Variants in PRR5 observed in about 807,000 individuals in gnomAD.
PRR5 encodes the protein proline-rich protein 5.
PRR5 carries 25 observed loss-of-function variants against 30.6 expected under a neutral mutation model. The ratio of observed to expected loss-of-function variants is 0.82; its 90% confidence interval spans 0.60 to 1.14. PRR5 has a LOEUF of 1.14. Ranked by LOEUF, PRR5 falls within the 50% of genes most tolerant of loss-of-function variation. The pLI is 0.00. For missense variants in PRR5, 600 were observed against 547.1 expected (o/e 1.10, Z -0.96); for synonymous variants, 286 against 247.1 (o/e 1.16, Z -1.48).
At chr22:44,727,288 A>G (rs919775472) in intron 4 of PRR5, among the ~76,000 whole-genome samples, 2 of 151,948 alleles carry the variant, frequency 1.3e-5, no homozygotes, top group Non-Finnish European at 2.9e-5. Flanking sequence ...AGCCTCGGGC[A>G]GCAGCAGCAG....
chr22:44,684,551 G>T (rs982898031), intron 1 of PRR5, among the ~76,000 whole-genome samples: 2 of 152,180 alleles, frequency 1.3e-5, no homozygotes, highest in African/African-American at 4.8e-5. Context: ...AAAAGAAAAT[G>T]TCCTGGGGAT....
upstream of PRR5, among the ~76,000 whole-genome samples, chr22:44,672,872 C>G (rs1341422505): frequency 6.6e-6 from 1 of 152,204 alleles, no homozygotes; most frequent in African/African-American, 2.4e-5. Flanking sequence ...CTGCCCAGAG[C>G]CATAGCAAGG....
intron 1 of PRR5, among the ~76,000 whole-genome samples, chr22:44,711,687 G>A (rs576729945): frequency 2.6e-5 from 4 of 152,314 alleles, no homozygotes; most frequent in Admixed American, 6.5e-5. Context: ...TGGCTCCACC[G>A]TCCGCTGTAA....
intron 1 of PRR5, among the ~76,000 whole-genome samples, chr22:44,708,321 A>G (rs1927562291): frequency 6.6e-6 from 1 of 152,174 alleles, no homozygotes; most frequent in Non-Finnish European, 1.5e-5. Context: ...TGGGGCCAGG[A>G]CATAGTGACA....
chr22:44,717,510 C>T lies in PRR5; in HGVS notation c.215+2839C>T, dbSNP rs1221884794. Among the ~76,000 whole-genome samples the T allele has an allele frequency of 2.6e-5, 4 of 151,856 alleles. No individual in the cohort carries two copies. The East Asian group carries it at 7.8e-4, about 30-fold the overall frequency. Reference sequence around the variant, plus strand: ...CCCGGTATCCAGGAGATTTTCATCACCCCAGCAAGAAGGCTTTAGCAGCCC... The same window carrying T: ...CCCGGTATCCAGGAGATTTTCATCATCCCAGCAAGAAGGCTTTAGCAGCCC... On this transcript the variant is annotated intron_variant, in intron 2 of 7. Transcript: ENST00000336985.
chr22:44,730,549 A>G (rs1462047007), intron 4 of PRR5: 1 of 988,420 alleles, frequency 1.0e-6, no homozygotes, highest in Admixed American at 6.1e-5. Context: ...CGTTCCTCTC[A>G]AGGCCAGCAG....
At chr22:44,724,457 C>T (rs373823234) in intron 2 of PRR5, among the ~76,000 whole-genome samples, 5 of 151,950 alleles carry the variant, frequency 3.3e-5, no homozygotes, top group African/African-American at 1.2e-4. Context: ...AAAAAGTTTT[C>T]CTAAAGGGAA....
At chr22:44,731,311 T>A in intron 4 of PRR5, 1 of 281,686 alleles carries the variant, frequency 3.6e-6, no homozygotes. Flanking sequence ...CTCACCTGTG[T>A]CAGGCGTACG....
At chr22:44,726,555 G>GCC in intron 3 of PRR5, 22 bp from the exon 4 acceptor site, 1 of 1,613,968 alleles carries the variant, frequency 6.2e-7, no homozygotes, top group Non-Finnish European at 8.5e-7. Flanking sequence ...GGCGGTGACA[G>GCC]CCCCTCTGTG....
upstream of PRR5, chr22:44,676,989 C>T (rs967326777): frequency 6.6e-6 from 1 of 152,270 alleles, no homozygotes; most frequent in East Asian, 1.9e-4. Flanking sequence ...CCCAGTGAGC[C>T]GCCTGCCCTC....
chr22:44,688,557 G>T (rs1924962137), intron 1 of PRR5, among the ~76,000 whole-genome samples: 1 of 152,226 alleles, frequency 6.6e-6, no homozygotes, highest in Non-Finnish European at 1.5e-5. Flanking sequence ...GGCAGCAACA[G>T]TCTACCATAT....
intron 3 of PRR5, among the ~76,000 whole-genome samples, chr22:44,726,145 A>G (rs2147134854): frequency 6.6e-6 from 1 of 152,306 alleles, no homozygotes; most frequent in South Asian, 2.1e-4. Flanking sequence ...TGCTGAGACC[A>G]CACAGCGTGG....
At position 44,730,779 on chromosome 22, in the gene PRR5, C is replaced by G. The variant is rs1194420452; in HGVS notation, c.323-951C>G. 3 of 679,920 alleles carry G rather than the reference C, an allele frequency of 4.4e-6. No homozygotes were observed. The African/African-American group carries it at 5.9e-5, about 13-fold the overall frequency. The allele number at this position is 679,920 out of a possible 1,614,324, so 42.1% of individuals were successfully genotyped here. A position where few individuals can be genotyped will look rare whatever the true frequency, so the allele number is the denominator to read the frequency against. On this transcript the variant is annotated intron_variant, in intron 4 of 7. Transcript: ENST00000336985. ...GAAGGGGTCTCCGTGGATCCCCAGACCTGACCACAGGCAGAGCTGGCCTGG... is the reference window on the plus strand; with the variant it reads ...GAAGGGGTCTCCGTGGATCCCCAGAGCTGACCACAGGCAGAGCTGGCCTGG...
At chr22:44,709,601 C>T (rs912596990) in intron 1 of PRR5, among the ~76,000 whole-genome samples, 17 of 152,198 alleles carry the variant, frequency 1.1e-4, no homozygotes, top group Non-Finnish European at 1.9e-4. Context: ...CACCTGTAAT[C>T]CCAGCACTTT....
upstream of PRR5, among the ~76,000 whole-genome samples, chr22:44,700,730 T>C (rs1926189796): frequency 6.6e-6 from 1 of 152,224 alleles, no homozygotes; most frequent in African/African-American, 2.4e-5. Flanking sequence ...CATCCCGCTT[T>C]ACTGATGAGC....
rs776880552 is a variant in PRR5, at chr22:44,737,056, A to T, written c.976A>T (p.Thr326Ser). 2 of 1,608,550 alleles carry T rather than the reference A, an allele frequency of 1.2e-6. No individual in the cohort carries two copies. Among genetic ancestry groups the T allele is most frequent in the South Asian group, 2.2e-5 (2 of 91,020 alleles). The change falls in exon 8 of 8, where the codon ACC becomes TCC. Residue 326 changes from threonine (T) to serine (S), a missense_variant. Transcript: ENST00000336985. ...CTGCCCCAGCAGACTGTACCCCACG[A>T]CCCAGCCCCCTGAGCAGGGCTTGGA... ...GPCPSRLYPT[T>S]QPPEQGLDPT...
chr22:44,732,813 CTA>C (rs751660352), intron 6 of PRR5, among the ~76,000 whole-genome samples: 2,097 of 137,602 alleles, frequency 0.015, 56 homozygotes, highest in African/African-American at 0.053. Flanking sequence ...CGCATACACA[CTA>C]CACGTGTGCA....
chr22:44,697,314 G>T (rs530538712), upstream of PRR5, among the ~76,000 whole-genome samples: 1 of 152,160 alleles, frequency 6.6e-6, no homozygotes, highest in Non-Finnish European at 1.5e-5. Flanking sequence ...CCCTGGCGGC[G>T]GTCACCAAGC....
At chr22:44,677,353 G>A (rs972662821) in intron 1 of PRR5, 1 of 152,472 alleles carries the variant, frequency 6.6e-6, no homozygotes, top group Non-Finnish European at 1.5e-5. Flanking sequence ...GCCCTGGTCT[G>A]TCTGAGTCCA....
Sources: gnomAD v4.1 joint callset for allele counts (sites outside exome capture counted in the v4.1 genomes callset) on GRCh38, gnomAD v4.1.1 for gene constraint, MANE v1.5 for transcripts, NCBI Gene and HGNC (gene_info 2026-07-23, HGNC 2026-07-21) for gene names.